Variants in PPFIA2 observed in about 807,000 individuals in gnomAD.
PPFIA2 encodes PPFI scaffold protein A2.
PPFIA2 carries 46 observed loss-of-function variants against 175.5 expected under a neutral mutation model. The observed-to-expected ratio is 0.26, with a 90% confidence interval of 0.21 to 0.34. PPFIA2 has a LOEUF of 0.34. Ranked by LOEUF, PPFIA2 falls within the 10% of genes least tolerant of loss-of-function variation. The pLI, the probability that PPFIA2 is intolerant of heterozygous loss-of-function variation, is 1.00. For missense variants in PPFIA2, 1,179 were observed against 1,506.1 expected, an observed-to-expected ratio of 0.78 and a Z score of 3.60; for synonymous variants, 568 against 511.4, an observed-to-expected ratio of 1.11 and a Z score of -1.49.
Position 81,705,212 on chromosome 12 carries a change from G to A in PPFIA2, c.250-28368C>T, listed in dbSNP as rs1209712621. Reference sequence around the variant, plus strand: ...CTCCTATAATCCCAGCAGTTTGGGAGGCCGAGGCGGGCAGATCACGAGGTC... The same window carrying A: ...CTCCTATAATCCCAGCAGTTTGGGAAGCCGAGGCGGGCAGATCACGAGGTC... On this transcript the variant is annotated intron_variant, in intron 3 of 32. Coordinates refer to ENST00000549396, the MANE Select transcript of PPFIA2 (RefSeq NM_003625.5). Among the ~76,000 whole-genome samples, 4 of 151,226 alleles carry A rather than the reference G, an allele frequency of 2.6e-5. No homozygotes were observed. The South Asian group carries it at 6.3e-4, about 24-fold the overall frequency.
intron 8 of PPFIA2, among the ~76,000 whole-genome samples, chr12:81,391,751 G>C (rs2040167613): frequency 6.6e-6 from 1 of 151,916 alleles, no homozygotes; most frequent in Non-Finnish European, 1.5e-5. Context: ...TAGGGGAATT[G>C]ATAATGAAAA....
intron 3 of PPFIA2, among the ~76,000 whole-genome samples, chr12:81,693,174 G>C (rs1192828058): frequency 6.6e-6 from 1 of 152,028 alleles, no homozygotes; most frequent in Non-Finnish European, 1.5e-5. Flanking sequence ...GCATTATAAA[G>C]TGTATAAGAG....
intron 4 of PPFIA2, among the ~76,000 whole-genome samples, chr12:81,544,570 A>C (rs375599273): frequency 5.3e-5 from 8 of 152,250 alleles, no homozygotes; most frequent in East Asian, 3.9e-4. Flanking sequence ...TCTACATGAA[A>C]ATTTATATAA....
chr12:81,594,800 C>T (rs2059066251), intron 4 of PPFIA2, among the ~76,000 whole-genome samples: 1 of 152,064 alleles, frequency 6.6e-6, no homozygotes, highest in South Asian at 2.1e-4. Context: ...ATAGTCCCAG[C>T]TACTTGTGGG....
intron 4 of PPFIA2, among the ~76,000 whole-genome samples, chr12:81,585,361 T>A (rs2075159422): frequency 6.6e-6 from 1 of 151,660 alleles, no homozygotes; most frequent in Non-Finnish European, 1.5e-5. Context: ...TTTTACTTTA[T>A]AAACTTTAGG....
intron 8 of PPFIA2, among the ~76,000 whole-genome samples, 189 bp from the exon 9 acceptor site, chr12:81,384,433 A>T (rs1566584448): frequency 6.6e-6 from 1 of 152,102 alleles, no homozygotes; most frequent in Non-Finnish European, 1.5e-5. Context: ...ATGAAGGTAG[A>T]TCAGTAATTT....
intron 3 of PPFIA2, among the ~76,000 whole-genome samples, chr12:81,703,854 G>A (rs1018568782): frequency 6.6e-6 from 1 of 152,026 alleles, no homozygotes; most frequent in Non-Finnish European, 1.5e-5. Context: ...TCTGCTCTTC[G>A]TAAGGCAATT....
In PPFIA2 at chr12:81,758,500, C is replaced by G. The variant is rs922752590; in HGVS notation, c.-103G>C. 4.4e-6 allele frequency: 2 copies of G among 451,904 alleles called. No individual in the cohort carries two copies. The highest frequency in any genetic ancestry group is 4.0e-5 in the African/African-American group (2 of 50,004). The allele number at this position is 451,904 out of a possible 1,614,324, so 28.0% of individuals were successfully genotyped here. On this transcript the variant is annotated 5_prime_UTR_variant, in exon 2 of 33. Coordinates refer to ENST00000549396, the MANE Select transcript of PPFIA2 (RefSeq NM_003625.5). ...GAGGCTCACACCCAGCACTCCTGGA[C>G]CATTTCCCTAGCAACGGGAGGAGAA...
chr12:81,711,710 A>G (rs1301971328), intron 3 of PPFIA2, among the ~76,000 whole-genome samples: 1 of 150,378 alleles, frequency 6.6e-6, no homozygotes, highest in Non-Finnish European at 1.5e-5. Context: ...GCTTGACTCT[A>G]CTAAAAGGCA....
At chr12:81,632,865 G>T (rs953649990) in intron 4 of PPFIA2, among the ~76,000 whole-genome samples, 36 of 152,012 alleles carry the variant, frequency 2.4e-4, no homozygotes, top group African/African-American at 8.7e-4. Flanking sequence ...GTACTCTTCT[G>T]TTCCCAGCCC....
intron 4 of PPFIA2, among the ~76,000 whole-genome samples, chr12:81,582,268 T>C (rs771674796): frequency 2.6e-5 from 4 of 151,900 alleles, no homozygotes; most frequent in Admixed American, 1.3e-4. Context: ...ATAGATGGAA[T>C]TGAGTTTCTC....
intron 4 of PPFIA2, chr12:81,546,191 G>C: frequency 6.6e-6 from 1 of 150,600 alleles, no homozygotes; most frequent in Non-Finnish European, 1.5e-5. Context: ...TCCAGATTCT[G>C]AATTTCTTCA....
chr12:81,668,505 G>C (rs2070790073), intron 4 of PPFIA2, among the ~76,000 whole-genome samples: 1 of 151,980 alleles, frequency 6.6e-6, no homozygotes. Flanking sequence ...GGAAGTACTT[G>C]ATATATTGCT....
intron 8 of PPFIA2, among the ~76,000 whole-genome samples, chr12:81,401,311 G>A (rs1464417232): frequency 6.6e-6 from 1 of 152,120 alleles, no homozygotes; most frequent in Admixed American, 6.6e-5. Context: ...CTAAGATGAT[G>A]TAATTCATTG....
chr12:81,598,351 T>C, intron 4 of PPFIA2: 3 of 1,127,248 alleles, frequency 2.7e-6, no homozygotes, highest in Non-Finnish European at 3.3e-6. Context: ...GGCAGTGCTG[T>C]GGACCTGCCC....
At chr12:81,468,367 C>A (rs750938351) in intron 4 of PPFIA2, among the ~76,000 whole-genome samples, 2 of 152,124 alleles carry the variant, frequency 1.3e-5, no homozygotes, top group African/African-American at 2.4e-5. Flanking sequence ...AATCACCAGG[C>A]CCAGTAAGCA....
chr12:81,436,249 C>A (rs1443938348), intron 7 of PPFIA2, among the ~76,000 whole-genome samples: 1 of 124,502 alleles, frequency 8.0e-6, no homozygotes, highest in Non-Finnish European at 1.6e-5. Flanking sequence ...CCACTGCACT[C>A]CAGCCTGGGC....
intron 7 of PPFIA2, among the ~76,000 whole-genome samples, chr12:81,413,700 A>T (rs184856341): frequency 6.6e-6 from 1 of 151,978 alleles, no homozygotes; most frequent in East Asian, 1.9e-4. Context: ...AATATGATTC[A>T]CATGCATTGA....
At chr12:81,680,975 G>A (rs1484149618) in intron 3 of PPFIA2, among the ~76,000 whole-genome samples, 5 of 151,980 alleles carry the variant, frequency 3.3e-5, no homozygotes, top group Admixed American at 6.6e-5. Context: ...CACCTCACTT[G>A]TCTCATCTGA....
Sources: allele counts gnomAD v4.1 joint callset (sites outside exome capture counted in the v4.1 genomes callset), GRCh38; gene constraint gnomAD v4.1.1; transcripts MANE v1.5; gene names NCBI Gene and HGNC (gene_info 2026-07-23, HGNC 2026-07-21).